Variants in DUSP13B observed in about 807,000 individuals in gnomAD.
DUSP13B encodes the protein dual specificity phosphatase 13B, also known as dual specificity protein phosphatase 13B.
chr10:75,106,610 G>A, the DUSP13B span, among the ~76,000 whole-genome samples: 1 of 152,120 alleles, frequency 6.6e-6, no homozygotes, highest in Non-Finnish European at 1.5e-5. Flanking sequence ...TAGCACCCCC[G>A]CCGTGTGCTC....
the DUSP13B span, chr10:75,097,857 G>A: frequency 1.6e-4 from 256 of 1,610,926 alleles, no homozygotes; most frequent in Middle Eastern, 6.6e-4. Context: ...TTGGGCCTCC[G>A]GAGGTCCTGC....
chr10:75,101,178 C>A, the DUSP13B span, among the ~76,000 whole-genome samples: 3 of 152,138 alleles, frequency 2.0e-5, no homozygotes, highest in Non-Finnish European at 4.4e-5. Flanking sequence ...TTGGGGAGGG[C>A]AGACCTGGGT....
the DUSP13B span, among the ~76,000 whole-genome samples, chr10:75,106,222 G>A: frequency 1.3e-5 from 2 of 150,620 alleles, no homozygotes; most frequent in East Asian, 3.9e-4. Context: ...GATTACAGGC[G>A]TGAGACACCG....
chr10:75,105,697 T>C, the DUSP13B span: 1 of 1,550,740 alleles, frequency 6.4e-7, no homozygotes, highest in Non-Finnish European at 8.7e-7. Context: ...CCGCAGTTGC[T>C]GGTCCAGCCT....
the DUSP13B span, chr10:75,095,731 C>T: frequency 2.5e-6 from 4 of 1,614,224 alleles, no homozygotes; most frequent in Non-Finnish European, 3.4e-6. Context: ...AACTTGCCTG[C>T]AGCGGCATTC....
At chr10:75,101,918 C>A in the DUSP13B span, 1 of 1,367,732 alleles carries the variant, frequency 7.3e-7, no homozygotes, top group Non-Finnish European at 9.8e-7. Context: ...GCAGTTCGTG[C>A]TGCTGGCTTT....
At chr10:75,101,852 G>C in the DUSP13B span, 1 of 1,363,706 alleles carries the variant, frequency 7.3e-7, no homozygotes, top group Non-Finnish European at 9.8e-7. Flanking sequence ...CCCCAAATTA[G>C]GAGCACTCAC....
chr10:75,103,904 T>G, the DUSP13B span: 1 of 1,310,550 alleles, frequency 7.6e-7, no homozygotes, highest in African/African-American at 1.5e-5. Context: ...CTGTGGAGAC[T>G]GAAGACAGTG....
the DUSP13B span, chr10:75,109,034 A>C: frequency 1.2e-6 from 2 of 1,610,998 alleles, no homozygotes; most frequent in African/African-American, 1.3e-5. Flanking sequence ...AGGTTGGGCC[A>C]AACTTCGTCC....
At chr10:75,103,344 C>CACACAG in the DUSP13B span, among the ~76,000 whole-genome samples, 1 of 152,234 alleles carries the variant, frequency 6.6e-6, no homozygotes, top group Non-Finnish European at 1.5e-5. Context: ...CACAGGCCCA[C>CACACAG]ACACAGACAC....
At chr10:75,108,413 C>CGGGG in the DUSP13B span, 7 of 917,744 alleles carry the variant, frequency 7.6e-6, no homozygotes, top group African/African-American at 1.2e-4. Context: ...GTGTGTGTGT[C>CGGGG]GGGGGATCTT....
the DUSP13B span, among the ~76,000 whole-genome samples, chr10:75,096,540 A>C: frequency 1.3e-5 from 2 of 150,006 alleles, no homozygotes; most frequent in Non-Finnish European, 1.5e-5. Flanking sequence ...TTGCACTACT[A>C]TACTCCAGCC....
At chr10:75,108,029 C>T in the DUSP13B span, 77 of 1,613,448 alleles carry the variant, frequency 4.8e-5, no homozygotes, top group Admixed American at 3.5e-4. Context: ...TGAAGTCAGC[C>T]GCAGAGGAGA....
chr10:75,104,566 C>T, the DUSP13B span, among the ~76,000 whole-genome samples: 2 of 152,198 alleles, frequency 1.3e-5, no homozygotes, highest in African/African-American at 4.8e-5. Context: ...ATCTGATGCT[C>T]CGCCAGGTTC....
the DUSP13B span, among the ~76,000 whole-genome samples, chr10:75,100,813 G>A: frequency 6.9e-4 from 105 of 152,286 alleles, no homozygotes; most frequent in Middle Eastern, 3.4e-3. Context: ...TCACTCCCCC[G>A]TTTGCCTCTG....
chr10:75,095,463 G>A, the DUSP13B span: 1 of 931,318 alleles, frequency 1.1e-6, no homozygotes, highest in Admixed American at 2.1e-5. Context: ...GGAGTGGGAG[G>A]GTTACTGAAA....
chr10:75,109,138 G>A, the DUSP13B span: 175 of 1,599,250 alleles, frequency 1.1e-4, no homozygotes, highest in Non-Finnish European at 1.4e-4. Flanking sequence ...CCCCAGCTCT[G>A]GGAGAGAGGT....
At chr10:75,096,476 C>G in the DUSP13B span, among the ~76,000 whole-genome samples, 2 of 151,354 alleles carry the variant, frequency 1.3e-5, no homozygotes, top group Admixed American at 1.3e-4. Context: ...ACTTGGGAGG[C>G]TGAGGTGGGA....
chr10:75,097,041 A>G, the DUSP13B span, among the ~76,000 whole-genome samples: 1 of 152,200 alleles, frequency 6.6e-6, no homozygotes, highest in African/African-American at 2.4e-5. Flanking sequence ...ATAGGTGGTA[A>G]AACTTTACAG....
Sources: gnomAD v4.1 joint callset for allele counts (sites outside exome capture counted in the v4.1 genomes callset) on GRCh38, gnomAD v4.1.1 for gene constraint, MANE v1.5 for transcripts, NCBI Gene and HGNC (gene_info 2026-07-23, HGNC 2026-07-21) for gene names.